Variants in ZDHHC3 observed in about 807,000 individuals in gnomAD.
The protein encoded by ZDHHC3 is zDHHC palmitoyltransferase 3, also known as palmitoyltransferase ZDHHC3.
A neutral mutation model predicts 30.6 loss-of-function variants in ZDHHC3; 9 were observed. That is an observed-to-expected ratio of 0.29 (90% CI 0.18 to 0.51). ZDHHC3 has a LOEUF of 0.51. ZDHHC3 is among the 20% of genes least tolerant of loss of function. The pLI, the probability that ZDHHC3 is intolerant of heterozygous loss-of-function variation, is 0.97. For missense variants in ZDHHC3, 246 were observed against 384.2 expected, an observed-to-expected ratio of 0.64 and a Z score of 3.01; for synonymous variants, 136 against 140.2, an observed-to-expected ratio of 0.97 and a Z score of 0.21.
At chr3:44,929,263 C>T (rs1203674108) in intron 6 of ZDHHC3, 43 bp downstream of exon 6, 1 of 1,606,696 alleles carries the variant, frequency 6.2e-7, no homozygotes, top group Non-Finnish European at 8.5e-7. Flanking sequence ...TGGGTCCTCC[C>T]CATCCCCAGG....
rs1399185734 is a variant in ZDHHC3 at position 44,918,244 on chromosome 3, GC to G, written c.*8444del. The G allele has an allele frequency of 8.3e-7, 1 of 1,201,938 alleles. No homozygotes were observed. Among genetic ancestry groups the G allele is most frequent in the Non-Finnish European group, 1.1e-6 (1 of 939,282 alleles). The allele number at this position is 1,201,938 out of a possible 1,614,324, so 74.5% of individuals were successfully genotyped here. ...TAGCATAGCAGTGGCGGGGGGGGGG[GC>G]GGGGTGTCCACGGCATGGGTAAGAT... is the stretch of plus-strand genomic sequence containing the variant. On this transcript the variant is annotated 3_prime_UTR_variant, in exon 7 of 7. Coordinates refer to ENST00000424952, the MANE Select transcript of ZDHHC3 (RefSeq NM_001135179.2).
intron 1 of ZDHHC3, among the ~76,000 whole-genome samples, chr3:44,961,988 G>C (rs1465733417): frequency 6.6e-6 from 1 of 152,198 alleles, no homozygotes; most frequent in Non-Finnish European, 1.5e-5. Context: ...CTAAGCAGTT[G>C]TTGGCTATCA....
intron 1 of ZDHHC3, among the ~76,000 whole-genome samples, chr3:44,962,541 A>AAGGAAGGG (rs1204285443): frequency 1.4e-4 from 20 of 142,702 alleles, no homozygotes; most frequent in Admixed American, 3.5e-4. Context: ...GGAAGGAAGG[A>AAGGAAGGG]AGGGGAGGGG....
At chr3:44,944,215 T>C (rs1189626350) in intron 3 of ZDHHC3, among the ~76,000 whole-genome samples, 2 of 151,978 alleles carry the variant, frequency 1.3e-5, no homozygotes, top group African/African-American at 2.4e-5. Flanking sequence ...AATGGCACAA[T>C]CTCGGCTCAC....
chr3:44,965,983 G>A (rs762371752), intron 1 of ZDHHC3, among the ~76,000 whole-genome samples: 7 of 152,146 alleles, frequency 4.6e-5, no homozygotes, highest in Non-Finnish European at 8.8e-5. Context: ...ATCTTGAGAC[G>A]GTACAAAGTA....
At chr3:44,934,685 A>T (rs1156855305) in intron 3 of ZDHHC3, among the ~76,000 whole-genome samples, 3 of 151,566 alleles carry the variant, frequency 2.0e-5, no homozygotes, top group African/African-American at 7.3e-5. Flanking sequence ...TGAGGTCAGG[A>T]GTTTAAGACC....
chr3:44,946,293 G>T (rs916778554), intron 2 of ZDHHC3, among the ~76,000 whole-genome samples: 2 of 152,186 alleles, frequency 1.3e-5, no homozygotes, highest in Admixed American at 1.3e-4. Flanking sequence ...AATACTTAGC[G>T]TTCTTTAGAG....
chr3:44,923,708 C>T lies in ZDHHC3; in HGVS notation c.*2981G>A. 4 of 832,290 alleles carry T rather than the reference C, an allele frequency of 4.8e-6. No individual in the cohort carries two copies. Among genetic ancestry groups the T allele is most frequent in the Non-Finnish European group, 2.9e-6 (2 of 690,504 alleles). The allele number at this position is 832,290 out of a possible 1,614,324, so 51.6% of individuals were successfully genotyped here. A position where few individuals can be genotyped will look rare whatever the true frequency, so the allele number is the denominator to read the frequency against. The stretch of plus-strand genomic sequence containing the variant: ...GCCCTGGATATTCAGGAGGCCAAGG[C>T]ACAAGAATCACTTGAGCCCAGGAGT... On this transcript the variant is annotated 3_prime_UTR_variant, in exon 7 of 7. Transcript: ENST00000424952.
intron 1 of ZDHHC3, among the ~76,000 whole-genome samples, chr3:44,967,895 C>T (rs1705087758): frequency 6.6e-6 from 1 of 152,194 alleles, no homozygotes; most frequent in African/African-American, 2.4e-5. Flanking sequence ...TGGAGATGGG[C>T]ATCAACATTA....
Position 44,919,991 on chromosome 3 carries a change from T to G in ZDHHC3, c.*6698A>C. Reference sequence around the variant, plus strand: ...TATAACACTATGCAGCTAGAAAAGATGGTTTAATATGGTTTTACATGACAT... The same window carrying G: ...TATAACACTATGCAGCTAGAAAAGAGGGTTTAATATGGTTTTACATGACAT... On this transcript the variant is annotated 3_prime_UTR_variant, in exon 7 of 7. Coordinates refer to ENST00000424952, the MANE Select transcript of ZDHHC3 (RefSeq NM_001135179.2). 1 of 1,132,626 alleles carries G rather than the reference T, an allele frequency of 8.8e-7. No individual in the cohort carries two copies. Among genetic ancestry groups the G allele is most frequent in the Non-Finnish European group, 1.1e-6 (1 of 909,182 alleles). The allele number at this position is 1,132,626 out of a possible 1,614,324, so 70.2% of individuals were successfully genotyped here.
Position 44,926,499 on chromosome 3 carries a change from A to G in ZDHHC3, c.*190T>C. ...TCGGTCACCAAAAGAAATCGAAAGG[A>G]TGGTTTTTAAAAAATAAAATGTGGG... On this transcript the variant is annotated 3_prime_UTR_variant, in exon 7 of 7. Coordinates refer to ENST00000424952, the MANE Select transcript of ZDHHC3 (RefSeq NM_001135179.2). 1 of 1,283,300 alleles carries G rather than the reference A, an allele frequency of 7.8e-7. No homozygotes were observed. The highest frequency in any genetic ancestry group is 9.8e-7 in the Non-Finnish European group (1 of 1,017,404). 79.5% of individuals were successfully genotyped at this position (1,283,300 alleles called of 1,614,324 possible). A position where few individuals can be genotyped will look rare whatever the true frequency, so the allele number is the denominator to read the frequency against.
rs550252399 is a variant in ZDHHC3, at chr3:44,946,301, G to T, written c.307-1009C>A. Among the ~76,000 whole-genome samples, 4 of 152,294 alleles carry T rather than the reference G, an allele frequency of 2.6e-5. No homozygotes were observed. The South Asian group carries it at 8.3e-4, about 32-fold the overall frequency. On this transcript the variant is annotated intron_variant, in intron 2 of 6. Coordinates refer to ENST00000424952, the MANE Select transcript of ZDHHC3 (RefSeq NM_001135179.2). ...GCTTGTGAATACTTAGCGTTCTTTA[G>T]AGCCAATGGCAGAGCCAAAATGCCA...
intron 3 of ZDHHC3, chr3:44,937,747 C>T: frequency 3.4e-6 from 1 of 298,042 alleles, no homozygotes; most frequent in Non-Finnish European, 6.7e-6. Flanking sequence ...TCAGTGCCAT[C>T]CTGTGTGGGC....
intron 3 of ZDHHC3, among the ~76,000 whole-genome samples, chr3:44,942,196 C>T (rs933402685): frequency 1.3e-5 from 2 of 152,258 alleles, no homozygotes; most frequent in African/African-American, 4.8e-5. Flanking sequence ...CCTGAGCGGG[C>T]AAGGTCGACA....
At position 44,925,780 on chromosome 3, in the gene ZDHHC3, G is replaced by GT; in HGVS notation, c.*908dup. 1 of 985,874 alleles carries GT rather than the reference G, an allele frequency of 1.0e-6. No homozygotes were observed. Among genetic ancestry groups the GT allele is most frequent in the Non-Finnish European group, 1.2e-6 (1 of 829,948 alleles). The allele number at this position is 985,874 out of a possible 1,614,324, so 61.1% of individuals were successfully genotyped here. ...ATGAGAAGGGGATGATGGTGGGGCT[G>GT]TATGTGTTGGGCACTGGTGCCTATT... On this transcript the variant is annotated 3_prime_UTR_variant, in exon 7 of 7. Transcript: ENST00000424952.
At chr3:44,942,359 C>A (rs1398803060) in intron 3 of ZDHHC3, among the ~76,000 whole-genome samples, 1 of 152,236 alleles carries the variant, frequency 6.6e-6, no homozygotes, top group East Asian at 1.9e-4. Flanking sequence ...TGTCAGCATG[C>A]ATTTCTGAGG....
intron 3 of ZDHHC3, among the ~76,000 whole-genome samples, chr3:44,937,073 G>T (rs1433305897): frequency 6.6e-6 from 1 of 151,370 alleles, no homozygotes. Context: ...TTATTTTGGG[G>T]GCATTATTTG....
chr3:44,937,264 C>T (rs1180656294), intron 3 of ZDHHC3, among the ~76,000 whole-genome samples: 7 of 151,880 alleles, frequency 4.6e-5, no homozygotes, highest in South Asian at 4.2e-4. Flanking sequence ...GGCAGCATGG[C>T]GAGACCCTGT....
rs1341396479 is a variant in ZDHHC3, at chr3:44,920,676, T to C, written c.*6013A>G. On this transcript the variant is annotated 3_prime_UTR_variant, in exon 7 of 7. Transcript: ENST00000424952. ...CTGCAAATCACCACTGTGCCCAGGC[T>C]GAGCTCAGTCAGAGAGAAGGGGAAT... 2.0e-6 allele frequency: 2 copies of C among 985,282 alleles called. No homozygotes were observed. Among genetic ancestry groups the C allele is most frequent in the Non-Finnish European group, 2.4e-6 (2 of 829,936 alleles). The allele number at this position is 985,282 out of a possible 1,614,324, so 61.0% of individuals were successfully genotyped here.
Sources: allele counts gnomAD v4.1 joint callset (sites outside exome capture counted in the v4.1 genomes callset), GRCh38; gene constraint gnomAD v4.1.1; transcripts MANE v1.5; gene names NCBI Gene and HGNC (gene_info 2026-07-23, HGNC 2026-07-21).